The following DPP6 variants were observed in gnomAD, a reference collection of about 807,000 sequenced individuals.
The protein encoded by DPP6 is dipeptidyl peptidase like 6.
In DPP6, 69 loss-of-function variants were observed where a neutral mutation model predicts 122.6. The ratio of observed to expected loss-of-function variants is 0.56; its 90% CI spans 0.46 to 0.69. The LOEUF is 0.69. Ranked by LOEUF, DPP6 falls within the 30% of genes least tolerant of loss-of-function variation. The pLI is 0.00. For synonymous variants in DPP6, 418 were observed against 433.1 expected (o/e 0.97, Z 0.43); for missense variants, 928 against 1,116.9 (o/e 0.83, Z 2.41).
intron 1 of DPP6, among the ~76,000 whole-genome samples, chr7:154,035,494 C>T (rs1235553881): frequency 3.3e-5 from 5 of 152,068 alleles, no homozygotes; most frequent in East Asian, 1.9e-4. Context: ...ATTTCAGTCC[C>T]GCCTCACTTC....
chr7:153,754,596 TTGG>T, the DPP6 span, among the ~76,000 whole-genome samples: 2 of 152,228 alleles, frequency 1.3e-5, no homozygotes, highest in Non-Finnish European at 2.9e-5. Context: ...CTTTGGGAAT[TTGG>T]TGGCCATTAT....
At chr7:153,842,982 G>A in the DPP6 span, among the ~76,000 whole-genome samples, 1 of 152,130 alleles carries the variant, frequency 6.6e-6, no homozygotes, top group African/African-American at 2.4e-5. Flanking sequence ...GCGCATGTGT[G>A]CATGTGTGTG....
At chr7:154,030,401 T>C (rs1799167323) in intron 1 of DPP6, among the ~76,000 whole-genome samples, 1 of 152,112 alleles carries the variant, frequency 6.6e-6, no homozygotes, top group African/African-American at 2.4e-5. Context: ...AGTTGGGACC[T>C]GAGACCTGGT....
chr7:154,621,653 T>C (rs919306115), intron 5 of DPP6, among the ~76,000 whole-genome samples: 3 of 152,190 alleles, frequency 2.0e-5, no homozygotes, highest in Non-Finnish European at 4.4e-5. Flanking sequence ...AGGCATGAGC[T>C]ACCGCACCAG....
intron 5 of DPP6, among the ~76,000 whole-genome samples, chr7:154,607,561 CAAA>C (rs1162220684): frequency 8.9e-5 from 2 of 22,380 alleles, no homozygotes; most frequent in South Asian, 5.1e-3. Flanking sequence ...GACTCTGTCT[CAAA>C]AAAAAAAAAA....
intron 1 of DPP6, among the ~76,000 whole-genome samples, chr7:153,958,654 G>A (rs1795191954): frequency 6.6e-6 from 1 of 152,222 alleles, no homozygotes; most frequent in Admixed American, 6.5e-5. Flanking sequence ...AGGCGGGGTT[G>A]CATCCTTGGT....
chr7:154,056,286 A>G (rs1455269683), intron 1 of DPP6, among the ~76,000 whole-genome samples: 1 of 152,044 alleles, frequency 6.6e-6, no homozygotes, highest in African/African-American at 2.4e-5. Context: ...ATATAAAGTC[A>G]ATTACTTGGG....
chr7:154,773,032 T>A, intron 10 of DPP6, 90 bp downstream of exon 10: 1 of 1,371,220 alleles, frequency 7.3e-7, no homozygotes. Flanking sequence ...AGATTTATCT[T>A]ACAACAAGTT....
chr7:154,791,881 A>G (rs1034488689), intron 10 of DPP6, among the ~76,000 whole-genome samples: 3 of 152,258 alleles, frequency 2.0e-5, no homozygotes, highest in African/African-American at 7.2e-5. Flanking sequence ...GGAGGCATCA[A>G]GAGAAAGTTT....
At chr7:154,441,286 C>T (rs117473968) in intron 1 of DPP6, among the ~76,000 whole-genome samples, 2,702 of 152,264 alleles carry the variant, frequency 0.018, 32 homozygotes, top group Non-Finnish European at 0.022. Flanking sequence ...GTAGGAAATG[C>T]AATGCACTTT....
intron 17 of DPP6, among the ~76,000 whole-genome samples, chr7:154,867,768 G>A (rs1804010787): frequency 6.6e-6 from 1 of 152,146 alleles, no homozygotes; most frequent in Non-Finnish European, 1.5e-5. Context: ...AAGACGGTGG[G>A]GAGAATCTTT....
chr7:153,794,462 T>A, the DPP6 span, among the ~76,000 whole-genome samples: 17 of 152,224 alleles, frequency 1.1e-4, no homozygotes, highest in African/African-American at 4.1e-4. Flanking sequence ...ACAGCTATAT[T>A]TACCCAATAC....
intron 19 of DPP6, among the ~76,000 whole-genome samples, chr7:154,874,110 C>CAG (rs1355480623): frequency 7.4e-6 from 1 of 135,580 alleles, no homozygotes; most frequent in African/African-American, 2.7e-5. Context: ...TACACACCCA[C>CAG]ACCCACAGAC....
intron 1 of DPP6, among the ~76,000 whole-genome samples, chr7:154,426,710 TG>T (rs1179258757): frequency 6.6e-6 from 1 of 151,824 alleles, no homozygotes; most frequent in East Asian, 1.9e-4. Context: ...TCTGGTTACT[TG>T]GTCACTGTTG....
At chr7:154,608,929 C>T (rs1833742513) in intron 5 of DPP6, among the ~76,000 whole-genome samples, 1 of 152,210 alleles carries the variant, frequency 6.6e-6, no homozygotes, top group East Asian at 1.9e-4. Context: ...GTCCCGTTTT[C>T]AAGAAAGTTT....
intron 1 of DPP6, among the ~76,000 whole-genome samples, chr7:154,185,211 T>G (rs1480881032): frequency 1.3e-5 from 2 of 152,188 alleles, no homozygotes; most frequent in African/African-American, 4.8e-5. Context: ...AACATAATCC[T>G]GTGTAATGAG....
chr7:154,595,896 T>C (rs1009678338), intron 5 of DPP6, among the ~76,000 whole-genome samples: 15 of 151,780 alleles, frequency 9.9e-5, no homozygotes, highest in Admixed American at 3.9e-4. Flanking sequence ...CTGTTTCTAC[T>C]AAAAATACAA....
intron 1 of DPP6, among the ~76,000 whole-genome samples, chr7:154,247,048 C>T (rs897820237): frequency 3.9e-5 from 6 of 152,206 alleles, no homozygotes; most frequent in Non-Finnish European, 7.3e-5. Flanking sequence ...TGCAGTGGCT[C>T]ACGCCTGTAA....
At chr7:154,330,520 A>T (rs1384299805) in intron 1 of DPP6, among the ~76,000 whole-genome samples, 1 of 152,244 alleles carries the variant, frequency 6.6e-6, no homozygotes, top group Non-Finnish European at 1.5e-5. Context: ...GCGGGCAAGC[A>T]TCAGGGCAGT....
Sources: gnomAD v4.1 joint callset for allele counts (sites outside exome capture counted in the v4.1 genomes callset) on GRCh38, gnomAD v4.1.1 for gene constraint, MANE v1.5 for transcripts, NCBI Gene and HGNC (gene_info 2026-07-23, HGNC 2026-07-21) for gene names.